CAPRIN1: variants seen among roughly 807,000 people sequenced by gnomAD.
CAPRIN1 encodes the protein caprin-1.
In CAPRIN1, 29 loss-of-function variants were observed where a neutral mutation model predicts 100.9. The observed-to-expected ratio is 0.29, with a 90% confidence interval of 0.21 to 0.39. The LOEUF is 0.39. Among genes scored for constraint, CAPRIN1 ranks in the 10% least tolerant of loss-of-function variants. The probability of loss-of-function intolerance (pLI) is 1.00; values close to 1 mark genes in which losing one functional copy is unlikely to be tolerated. For synonymous variants in CAPRIN1, 338 were observed against 307.5 expected, an observed-to-expected ratio of 1.10 and a Z score of -1.04; for missense variants, 795 against 876.7, an observed-to-expected ratio of 0.91 and a Z score of 1.18.
chr11:34,088,533 G>T (rs1731731111), intron 11 of CAPRIN1, among the ~76,000 whole-genome samples: 1 of 151,984 alleles, frequency 6.6e-6, no homozygotes. Flanking sequence ...AGTTAGCTTG[G>T]CAGGGTGGCA....
chr11:34,054,224 C>CT (rs1427095744), intron 2 of CAPRIN1, among the ~76,000 whole-genome samples: 3 of 140,238 alleles, frequency 2.1e-5, no homozygotes, highest in Admixed American at 7.0e-5. Flanking sequence ...CTTGGGATTT[C>CT]TTTTTTTTCC....
chr11:34,071,847 TA>T, intron 3 of CAPRIN1, 53 bp from the exon 4 acceptor site: 2 of 1,584,022 alleles, frequency 1.3e-6, no homozygotes, highest in Non-Finnish European at 8.7e-7. Context: ...AGACAAAAAT[TA>T]ATTCTGTGGT....
chr11:34,082,932 C>CA lies in CAPRIN1; in HGVS notation c.880-20dup, dbSNP rs762911849. On this transcript the variant is annotated intron_variant, in intron 8 of 18. Coordinates refer to ENST00000341394, the MANE Select transcript of CAPRIN1 (RefSeq NM_005898.5). ...TTTGCTGCCTTTCAAACAAATGTCTCAAACATTTACTTTGCTTTGCAGTAT... is the reference window on the plus strand; with the variant it reads ...TTTGCTGCCTTTCAAACAAATGTCTCAAAACATTTACTTTGCTTTGCAGTAT... 9 of 1,610,462 alleles carry CA rather than the reference C, an allele frequency of 5.6e-6. No homozygotes were observed. The South Asian group carries it at 8.8e-5, about 16-fold the overall frequency.
chr11:34,088,494 A>C (rs946050589), intron 11 of CAPRIN1, among the ~76,000 whole-genome samples: 2 of 151,746 alleles, frequency 1.3e-5, no homozygotes, highest in Non-Finnish European at 2.9e-5. Context: ...TCGCCTCTAC[A>C]AAAAAATTAA....
At chr11:34,086,481 T>A in intron 11 of CAPRIN1, 68 bp downstream of exon 11, 1 of 925,396 alleles carries the variant, frequency 1.1e-6, no homozygotes, top group Non-Finnish European at 1.7e-6. Flanking sequence ...TTAAAAAGAT[T>A]GTGAAAATAA....
At chr11:34,098,758 A>G in intron 18 of CAPRIN1, 1 of 985,222 alleles carries the variant, frequency 1.0e-6, no homozygotes, top group Non-Finnish European at 1.2e-6. Context: ...GATAGCTAAA[A>G]ATCTGTTTTA....
At chr11:34,087,184 G>A (rs1851162897) in intron 11 of CAPRIN1, among the ~76,000 whole-genome samples, 1 of 151,978 alleles carries the variant, frequency 6.6e-6, no homozygotes, top group South Asian at 2.1e-4. Context: ...GCACAAAAGT[G>A]GAACTAAATA....
intron 2 of CAPRIN1, chr11:34,063,050 A>G (rs2134091842): frequency 6.6e-6 from 1 of 152,328 alleles, no homozygotes; most frequent in Admixed American, 6.5e-5. Flanking sequence ...ATAACAATAA[A>G]GAAGCAAAGC....
In CAPRIN1 at chr11:34,074,882, A is replaced by C. The variant is rs1431704310; in HGVS notation, c.367-1354A>C. ...TGAGACTCCATCTCAAAAAACAAAC[A>C]AAAAACACCTTCCTGGCTGGTCATG... On this transcript the variant is annotated intron_variant, in intron 4 of 18. Transcript: ENST00000341394. 4.6e-5 allele frequency among the ~76,000 whole-genome samples: 7 copies of C among 152,186 alleles called. No homozygotes were observed. The East Asian group carries it at 1.2e-3, about 25-fold the overall frequency.
chr11:34,090,377 T>C (rs1851238644), intron 13 of CAPRIN1, 88 bp downstream of exon 13: 6 of 1,252,140 alleles, frequency 4.8e-6, no homozygotes, highest in Middle Eastern at 1.9e-4. Context: ...ATAATGATTC[T>C]TCTTTTTGGA....
At chr11:34,073,582 C>T (rs1850844655) in intron 4 of CAPRIN1, among the ~76,000 whole-genome samples, 1 of 152,082 alleles carries the variant, frequency 6.6e-6, no homozygotes, top group Non-Finnish European at 1.5e-5. Flanking sequence ...CGCCACCATG[C>T]CAGTCTAATT....
intron 13 of CAPRIN1, 94 bp from the exon 14 acceptor site, chr11:34,090,433 GTT>G: frequency 7.0e-7 from 1 of 1,421,062 alleles, no homozygotes; most frequent in East Asian, 2.3e-5. Flanking sequence ...ATACATATAA[GTT>G]TGAGATTAAT....
intron 7 of CAPRIN1, 77 bp downstream of exon 7, chr11:34,079,842 C>G: frequency 7.4e-7 from 1 of 1,354,696 alleles, no homozygotes; most frequent in East Asian, 2.4e-5. Flanking sequence ...AAACTATACA[C>G]TTACTTAGTT....
rs369189578 is a variant in CAPRIN1 at position 34,085,662 on chromosome 11, G to A, written c.967-402G>A. ...CCGCTAAAAATACAAAAATTAGCCGGGTGTGTTGATGGGTGCCTGTAATCC... is the reference window on the plus strand; with the variant it reads ...CCGCTAAAAATACAAAAATTAGCCGAGTGTGTTGATGGGTGCCTGTAATCC... On this transcript the variant is annotated intron_variant, in intron 9 of 18. Transcript: ENST00000341394. Among the ~76,000 whole-genome samples, 4 of 152,144 alleles carry A rather than the reference G, an allele frequency of 2.6e-5. No homozygotes were observed. In the East Asian group the frequency reaches 5.8e-4, roughly 22 times the overall value.
chr11:34,072,049 C>A, intron 4 of CAPRIN1, 62 bp downstream of exon 4: 1 of 1,058,142 alleles, frequency 9.5e-7, no homozygotes, highest in Non-Finnish European at 1.4e-6. Flanking sequence ...GGTTTTAGTC[C>A]TTCCATTACT....
rs1348311090 is a variant in CAPRIN1, at chr11:34,076,444, T to G, written c.575T>G (p.Leu192Arg). 2 of 1,614,022 alleles carry G rather than the reference T, an allele frequency of 1.2e-6. No homozygotes were observed. The highest frequency in any genetic ancestry group is 4.5e-5 in the East Asian group (2 of 44,888). Residue 192 changes from leucine (L) to arginine (R), a missense_variant, in exon 5 of 19, where the codon CTA becomes CGA. By Grantham distance (102) the Leu-to-Arg change is moderately radical. Coordinates refer to ENST00000341394, the MANE Select transcript of CAPRIN1 (RefSeq NM_005898.5). Reference protein sequence around the residue: ...ELSLLDEFYKLVDPERDMSLR... With the variant: ...ELSLLDEFYKRVDPERDMSLR... ...TCATTGTTGGATGAATTCTATAAGC[T>G]AGTAGACCCTGAACGGGACATGAGC...
At chr11:34,099,197 GT>G in intron 18 of CAPRIN1, 105 bp from the exon 19 acceptor site, 2 of 1,538,244 alleles carry the variant, frequency 1.3e-6, no homozygotes. Flanking sequence ...GCCTAATAAT[GT>G]GGTGACAGGC....
chr11:34,059,637 TTC>T (rs1850532126), intron 2 of CAPRIN1, among the ~76,000 whole-genome samples: 1 of 152,226 alleles, frequency 6.6e-6, no homozygotes, highest in Non-Finnish European at 1.5e-5. Flanking sequence ...TTGCTGCGCT[TTC>T]TCACACATGG....
rs369775285 is a variant in CAPRIN1, at chr11:34,082,972, C to G, written c.897C>G (p.Phe299Leu). 4 of 1,613,964 alleles carry G rather than the reference C, an allele frequency of 2.5e-6. No homozygotes were observed. Among genetic ancestry groups the G allele is most frequent in the Non-Finnish European group, 8.5e-7 (1 of 1,179,882 alleles). The change falls in exon 9 of 19, where the codon TTC becomes TTG. Residue 299 changes from phenylalanine to leucine, a missense_variant. Transcript: ENST00000341394. ...CTTTGCAGTATGTAAATAGACAGTT[C>G]ATGGCAGAAACACAGTTCACCAGTG... ...VESTEYVNRQFMAETQFTSGE... is the reference protein window; with the variant it reads ...VESTEYVNRQLMAETQFTSGE...
Sources: gnomAD v4.1 joint callset for allele counts (sites outside exome capture counted in the v4.1 genomes callset) on GRCh38, gnomAD v4.1.1 for gene constraint, MANE v1.5 for transcripts, NCBI Gene and HGNC (gene_info 2026-07-23, HGNC 2026-07-21) for gene names.